Variants in NPSR1 observed in about 807,000 individuals in gnomAD.
The protein encoded by NPSR1 is neuropeptide S receptor.
In NPSR1, 48 loss-of-function variants were observed where a neutral mutation model predicts 46.9. That is an observed-to-expected ratio of 1.02 (90% CI 0.81 to 1.30). The LOEUF (loss-of-function observed/expected upper bound fraction) is 1.30, where lower values mean the gene tolerates loss of function less well. Among genes scored for constraint, NPSR1 ranks in the 50% most tolerant of loss-of-function variants. NPSR1 has a pLI of 0.00. For missense variants in NPSR1, 450 were observed against 449.5 expected (o/e 1.00, Z -0.01); for synonymous variants, 176 against 168.1 (o/e 1.05, Z -0.36).
At chr7:34,677,047 C>A (rs1211027805) in intron 1 of NPSR1, among the ~76,000 whole-genome samples, 1 of 152,222 alleles carries the variant, frequency 6.6e-6, no homozygotes, top group Non-Finnish European at 1.5e-5. Context: ...CACTGACTCA[C>A]CAGCCCCTGG....
chr7:34,725,187 G>A (rs182687862), intron 2 of NPSR1, among the ~76,000 whole-genome samples: 1 of 151,856 alleles, frequency 6.6e-6, no homozygotes, highest in Admixed American at 6.6e-5. Context: ...GAGGGTGAAT[G>A]CAGATACAAC....
At chr7:34,785,676 T>C (rs1433449246) in intron 3 of NPSR1, among the ~76,000 whole-genome samples, 1 of 152,070 alleles carries the variant, frequency 6.6e-6, no homozygotes. Context: ...TTAAAAATAA[T>C]AATAGCTACA....
chr7:34,850,492 C>T (rs1168448582), downstream of NPSR1, among the ~76,000 whole-genome samples: 1 of 151,828 alleles, frequency 6.6e-6, no homozygotes, highest in East Asian at 1.9e-4. Context: ...GCTCCACCTC[C>T]CGGGTTCATG....
chr7:34,707,023 G>A (rs374762161), intron 2 of NPSR1, among the ~76,000 whole-genome samples: 8 of 151,808 alleles, frequency 5.3e-5, no homozygotes, highest in Middle Eastern at 3.2e-3. Context: ...TTGTCCTATC[G>A]CTATGTGAAT....
intron 1 of NPSR1, among the ~76,000 whole-genome samples, chr7:34,659,959 TA>T (rs1460848606): frequency 1.3e-5 from 2 of 152,170 alleles, no homozygotes; most frequent in African/African-American, 4.8e-5. Flanking sequence ...GCAAAGGGAA[TA>T]AAATCAGCAA....
intron 1 of NPSR1, among the ~76,000 whole-genome samples, chr7:34,682,725 A>T (rs1352530633): frequency 3.3e-5 from 5 of 151,786 alleles, no homozygotes; most frequent in Non-Finnish European, 5.9e-5. Flanking sequence ...ACAAAAACTC[A>T]CTCCCTCCAC....
At chr7:34,669,576 A>AG (rs1791936973) in intron 1 of NPSR1, among the ~76,000 whole-genome samples, 1 of 152,028 alleles carries the variant, frequency 6.6e-6, no homozygotes. Flanking sequence ...TTCAAAAAAA[A>AG]AAAAAGAAAG....
intron 2 of NPSR1, among the ~76,000 whole-genome samples, chr7:34,774,688 T>C (rs1786864641): frequency 6.6e-6 from 1 of 152,098 alleles, no homozygotes; most frequent in Admixed American, 6.5e-5. Context: ...ACTGTATCTT[T>C]CCCCACTAAC....
At chr7:34,727,100 G>T (rs907120813) in intron 2 of NPSR1, among the ~76,000 whole-genome samples, 1 of 152,098 alleles carries the variant, frequency 6.6e-6, no homozygotes, top group African/African-American at 2.4e-5. Context: ...AGGGAGTGGG[G>T]GTTGTGCATG....
At chr7:34,710,408 T>C (rs533158647) in intron 2 of NPSR1, among the ~76,000 whole-genome samples, 1 of 152,236 alleles carries the variant, frequency 6.6e-6, no homozygotes, top group Non-Finnish European at 1.5e-5. Flanking sequence ...GTGACTAAAC[T>C]GCCATTTGTA....
At chr7:34,818,350 C>T (rs1789361561) in intron 4 of NPSR1, among the ~76,000 whole-genome samples, 1 of 152,052 alleles carries the variant, frequency 6.6e-6, no homozygotes, top group Non-Finnish European at 1.5e-5. Context: ...ACCTAAGAAT[C>T]CAACTTACAA....
At chr7:34,819,935 G>A (rs1340604642) in intron 4 of NPSR1, among the ~76,000 whole-genome samples, 1 of 152,158 alleles carries the variant, frequency 6.6e-6, no homozygotes, top group Non-Finnish European at 1.5e-5. Context: ...GTGAGGGGCT[G>A]GGGGAGGGAT....
At chr7:34,861,377 CT>C (rs1475033084) in intron 8 of NPSR1, among the ~76,000 whole-genome samples, 1 of 151,818 alleles carries the variant, frequency 6.6e-6, no homozygotes, top group Non-Finnish European at 1.5e-5. Context: ...TTCCTCAGAT[CT>C]TTGCCCACAT....
chr7:34,868,048 T>C (rs1462310324), intron 8 of NPSR1, among the ~76,000 whole-genome samples: 4 of 151,798 alleles, frequency 2.6e-5, no homozygotes, highest in Admixed American at 6.5e-5. Flanking sequence ...GAATCTAAGA[T>C]TGACAGTTCA....
chr7:34,789,558 T>C (rs905270245), intron 3 of NPSR1, among the ~76,000 whole-genome samples: 11 of 151,606 alleles, frequency 7.3e-5, no homozygotes, highest in Non-Finnish European at 1.6e-4. Flanking sequence ...TTCGGGAGGC[T>C]GAGGCAGGCA....
intron 1 of NPSR1, among the ~76,000 whole-genome samples, chr7:34,682,206 G>A (rs1251296056): frequency 6.6e-6 from 1 of 152,196 alleles, no homozygotes; most frequent in Non-Finnish European, 1.5e-5. Flanking sequence ...AACTACTGAA[G>A]AGCTTGGCAC....
At chr7:34,766,417 C>A (rs1786435569) in intron 2 of NPSR1, among the ~76,000 whole-genome samples, 1 of 152,072 alleles carries the variant, frequency 6.6e-6, no homozygotes, top group Admixed American at 6.5e-5. Context: ...TTTATATCAG[C>A]CTTGTTTGAA....
At chr7:34,767,835 A>G (rs546950161) in intron 2 of NPSR1, among the ~76,000 whole-genome samples, 10 of 152,302 alleles carry the variant, frequency 6.6e-5, no homozygotes, top group African/African-American at 2.4e-4. Context: ...ATAAAGGTAA[A>G]GAAGAAATTG....
At position 34,658,299 on chromosome 7, in the gene NPSR1, C is replaced by CTCTG; in HGVS notation, c.-112_-109dup. Reference sequence around the variant, plus strand: ...TTCAGTGAGGTGGGCTCAGGGAGGGCTCTGTGCCTCCGTTCAGCAGAGCTG... The same window carrying CTCTG: ...TTCAGTGAGGTGGGCTCAGGGAGGGCTCTGTCTGTGCCTCCGTTCAGCAGAGCTG... On this transcript the variant is annotated 5_prime_UTR_variant, in exon 1 of 9. Transcript: ENST00000360581. 1 of 1,178,818 alleles carries CTCTG rather than the reference C, an allele frequency of 8.5e-7. No individual in the cohort carries two copies. Among genetic ancestry groups the CTCTG allele is most frequent in the Non-Finnish European group, 1.2e-6 (1 of 824,146 alleles). 73.0% of individuals were successfully genotyped at this position (1,178,818 alleles called of 1,614,324 possible). A position where few individuals can be genotyped will look rare whatever the true frequency, so the allele number is the denominator to read the frequency against.
Sources: gnomAD v4.1 joint callset for allele counts (sites outside exome capture counted in the v4.1 genomes callset) on GRCh38, gnomAD v4.1.1 for gene constraint, MANE v1.5 for transcripts, NCBI Gene and HGNC (gene_info 2026-07-23, HGNC 2026-07-21) for gene names.